Variants in ERC2 observed in about 807,000 individuals in gnomAD.
ERC2 encodes ERC protein 2.
ERC2 carries 42 observed loss-of-function variants against 114.8 expected under a neutral mutation model. The ratio of observed to expected loss-of-function variants is 0.37; its 90% confidence interval spans 0.29 to 0.47. The LOEUF is 0.47. Ranked by LOEUF, ERC2 falls within the 20% of genes least tolerant of loss-of-function variation. ERC2 has a pLI of 0.99. For missense variants in ERC2, 939 were observed against 1,150.7 expected (o/e 0.82, Z 2.66); for synonymous variants, 454 against 425.5 (o/e 1.07, Z -0.82).
chr3:56,359,287 G>A (rs961487425), intron 2 of ERC2, among the ~76,000 whole-genome samples: 2 of 152,078 alleles, frequency 1.3e-5, no homozygotes, highest in Non-Finnish European at 2.9e-5. Context: ...TCCCACAAAT[G>A]AATATGATTA....
At chr3:56,083,823 G>C (rs552662317) in intron 6 of ERC2, among the ~76,000 whole-genome samples, 35 of 151,836 alleles carry the variant, frequency 2.3e-4, no homozygotes, top group African/African-American at 7.5e-4. Context: ...AGCTATACCA[G>C]CAATCAGGAA....
At chr3:55,843,134 G>C (rs149087638) in intron 14 of ERC2, among the ~76,000 whole-genome samples, 1 of 152,296 alleles carries the variant, frequency 6.6e-6, no homozygotes, top group East Asian at 1.9e-4. Context: ...TTTGGGCCAA[G>C]GTATGAGCAC....
At chr3:56,152,822 T>C (rs1359514819) in intron 4 of ERC2, among the ~76,000 whole-genome samples, 1 of 152,196 alleles carries the variant, frequency 6.6e-6, no homozygotes, top group Non-Finnish European at 1.5e-5. Context: ...TCATAGCTTC[T>C]AATTAAAGAT....
chr3:55,718,763 T>C (rs1217456929), intron 15 of ERC2, among the ~76,000 whole-genome samples: 1 of 152,232 alleles, frequency 6.6e-6, no homozygotes, highest in African/African-American at 2.4e-5. Flanking sequence ...GAGAGAAATC[T>C]TAGGTTTCTT....
chr3:56,451,537 A>G (rs1014346419), intron 1 of ERC2, among the ~76,000 whole-genome samples: 1 of 152,184 alleles, frequency 6.6e-6, no homozygotes, highest in Non-Finnish European at 1.5e-5. Context: ...AAAGAGTCAC[A>G]TTGGAGGCTT....
In ERC2 at chr3:56,070,467, TTAA is replaced by T. The variant is rs200958393; in HGVS notation, c.1641+10347_1641+10349del. ...GCAAGTAATTATAAACAAACCTTTT[TTAA>T]AAAAAAAAAAATCCATCATAGTGAA... On this transcript the variant is annotated intron_variant, in intron 7 of 17. Coordinates refer to ENST00000288221, the MANE Select transcript of ERC2 (RefSeq NM_015576.3). Among the ~76,000 whole-genome samples the T allele has an allele frequency of 7.4e-3, 1,091 of 147,314 alleles. 21 individuals carry two copies. The East Asian group carries it at 0.1, about 14-fold the overall frequency.
intron 6 of ERC2, among the ~76,000 whole-genome samples, chr3:56,087,986 C>T (rs1424723717): frequency 6.6e-6 from 1 of 152,168 alleles, no homozygotes; most frequent in African/African-American, 2.4e-5. Context: ...ATCCAACTCT[C>T]CTTTCCTCCT....
chr3:55,846,087 A>G (rs1049558556), intron 14 of ERC2, among the ~76,000 whole-genome samples: 1 of 152,212 alleles, frequency 6.6e-6, no homozygotes, highest in Non-Finnish European at 1.5e-5. Context: ...AGATTATTTC[A>G]TCACCCAAGT....
chr3:55,640,717 G>A (rs1012693623), intron 17 of ERC2, among the ~76,000 whole-genome samples: 6 of 152,160 alleles, frequency 3.9e-5, no homozygotes, highest in African/African-American at 1.4e-4. Flanking sequence ...CCACTCCCCA[G>A]ATGGAGTCCT....
chr3:55,864,146 T>TATACAC (rs1559782980), intron 14 of ERC2, among the ~76,000 whole-genome samples: 7 of 121,618 alleles, frequency 5.8e-5, no homozygotes, highest in African/African-American at 1.9e-4. Flanking sequence ...TATACATATA[T>TATACAC]ATATATATAC....
In ERC2 at chr3:55,780,056, T is replaced by A. The variant is rs73831508; in HGVS notation, c.2565-45138A>T. On this transcript the variant is annotated intron_variant, in intron 14 of 17. Coordinates refer to ENST00000288221, the MANE Select transcript of ERC2 (RefSeq NM_015576.3). Reference sequence around the variant, plus strand: ...AAGAGCATATCTCTTTAATAAGGTCTATCTCATCTGAATAACAAACAAAGA... The same window carrying A: ...AAGAGCATATCTCTTTAATAAGGTCAATCTCATCTGAATAACAAACAAAGA... Among the ~76,000 whole-genome samples, 985 of 152,322 alleles carry A rather than the reference T, an allele frequency of 6.5e-3. 7 individuals are homozygous for A. Among genetic ancestry groups the A allele is most frequent in the African/African-American group, 0.023 (949 of 41,580 alleles).
intron 1 of ERC2, among the ~76,000 whole-genome samples, chr3:56,452,137 T>G (rs1192672654): frequency 6.6e-6 from 1 of 152,248 alleles, no homozygotes; most frequent in Non-Finnish European, 1.5e-5. Flanking sequence ...AGGATATTCT[T>G]GATCAGCACA....
chr3:55,696,643 T>C (rs1485125445), intron 16 of ERC2, among the ~76,000 whole-genome samples: 2 of 152,252 alleles, frequency 1.3e-5, no homozygotes, highest in Non-Finnish European at 2.9e-5. Flanking sequence ...TAACTATTGA[T>C]AACTATTATC....
At chr3:55,751,497 T>A (rs2148968178) in intron 14 of ERC2, among the ~76,000 whole-genome samples, 1 of 152,320 alleles carries the variant, frequency 6.6e-6, no homozygotes, top group Non-Finnish European at 1.5e-5. Context: ...TTTTGTTGGA[T>A]TTTAGCACAA....
chr3:56,168,915 T>G (rs181620081), intron 4 of ERC2, among the ~76,000 whole-genome samples: 2 of 152,318 alleles, frequency 1.3e-5, no homozygotes, highest in Non-Finnish European at 2.9e-5. Flanking sequence ...TTCAGCAACT[T>G]AGTGGAGCTC....
chr3:55,573,631 T>G (rs1013495807), intron 17 of ERC2, among the ~76,000 whole-genome samples: 1 of 152,110 alleles, frequency 6.6e-6, no homozygotes, highest in South Asian at 2.1e-4. Context: ...CTTTTCCATT[T>G]GCACAGCCAA....
At chr3:55,911,809 A>G (rs565198991) in intron 13 of ERC2, among the ~76,000 whole-genome samples, 2 of 152,366 alleles carry the variant, frequency 1.3e-5, no homozygotes, top group South Asian at 2.1e-4. Flanking sequence ...ATCATAAGTC[A>G]TAATGCCACA....
chr3:55,593,333 G>T (rs1163614974), intron 17 of ERC2, among the ~76,000 whole-genome samples: 1 of 152,156 alleles, frequency 6.6e-6, no homozygotes, highest in Non-Finnish European at 1.5e-5. Context: ...GAGCACTGAA[G>T]GGTCATCCAT....
chr3:56,304,982 A>C (rs2056123229), intron 2 of ERC2, among the ~76,000 whole-genome samples: 2 of 152,168 alleles, frequency 1.3e-5, no homozygotes, highest in Admixed American at 1.3e-4. Context: ...CTGGAGGCTT[A>C]AGTTAGGACA....
Sources: gnomAD v4.1 joint callset for allele counts (sites outside exome capture counted in the v4.1 genomes callset) on GRCh38, gnomAD v4.1.1 for gene constraint, MANE v1.5 for transcripts, NCBI Gene and HGNC (gene_info 2026-07-23, HGNC 2026-07-21) for gene names.